LYZL4: variants seen among roughly 807,000 people sequenced by gnomAD.
The protein encoded by LYZL4 is lysozyme-like protein 4.
LYZL4 carries 13 observed loss-of-function variants against 17.6 expected under a neutral mutation model. The ratio of observed to expected loss-of-function variants is 0.74; its 90% CI spans 0.48 to 1.18. LYZL4 has a LOEUF of 1.18. LYZL4 is among the 50% of genes most tolerant of loss of function. LYZL4 has a pLI of 0.00. For synonymous variants in LYZL4, 64 were observed against 67.7 expected, an observed-to-expected ratio of 0.95 and a Z score of 0.27; for missense variants, 174 against 188.2, an observed-to-expected ratio of 0.92 and a Z score of 0.44.
At chr3:42,381,501 A>G in the LYZL4 span, among the ~76,000 whole-genome samples, 1 of 152,206 alleles carries the variant, frequency 6.6e-6, no homozygotes, top group Admixed American at 6.5e-5. Flanking sequence ...TAAAACTGAC[A>G]TATGATCCTG....
At chr3:42,404,252 T>C in intron 3 of LYZL4, 128 bp from the exon 4 acceptor site, 1 of 539,784 alleles carries the variant, frequency 1.9e-6, no homozygotes. Flanking sequence ...AATCTATCCT[T>C]AGATTTTTAT....
chr3:42,373,696 C>T, the LYZL4 span, among the ~76,000 whole-genome samples: 15 of 152,176 alleles, frequency 9.9e-5, no homozygotes, highest in South Asian at 1.9e-3. Context: ...AATTAAGAAG[C>T]CCTGTGCATC....
the LYZL4 span, among the ~76,000 whole-genome samples, chr3:42,381,028 C>A: frequency 6.6e-6 from 1 of 152,320 alleles, no homozygotes; most frequent in African/African-American, 2.4e-5. Context: ...TCAGTGGTCC[C>A]AGAAAAGTGA....
downstream of LYZL4, among the ~76,000 whole-genome samples, chr3:42,394,934 C>T (rs905409421): frequency 4.6e-5 from 7 of 152,188 alleles, no homozygotes; most frequent in Non-Finnish European, 1.0e-4. Flanking sequence ...TGTGCATTAT[C>T]GTTCTTGGAC....
Position 42,397,341 on chromosome 3 carries a change from A to G in LYZL4, c.372-7T>C. ...GTACCGGGACCAGGTGGGCCTGTGG[A>G]GAGAAGTGAACAGGAAGGGCTCCTC... is the stretch of plus-strand genomic sequence containing the variant. On this transcript the variant is annotated splice_region_variant and splice_polypyrimidine_tract_variant and intron_variant, in intron 4 of 4. Transcript: ENST00000287748. 1 of 1,565,228 alleles carries G rather than the reference A, an allele frequency of 6.4e-7. No homozygotes were observed. Among genetic ancestry groups the G allele is most frequent in the Non-Finnish European group, 8.7e-7 (1 of 1,153,618 alleles).
the LYZL4 span, among the ~76,000 whole-genome samples, chr3:42,369,495 C>G: frequency 5.3e-5 from 8 of 152,312 alleles, no homozygotes; most frequent in East Asian, 1.4e-3. Flanking sequence ...TTGGCCCTGG[C>G]CAAGAGAGGA....
the LYZL4 span, among the ~76,000 whole-genome samples, chr3:42,362,661 C>T: frequency 1.3e-5 from 2 of 152,150 alleles, no homozygotes; most frequent in Admixed American, 6.5e-5. Flanking sequence ...TCCACCCTCA[C>T]GACCTAATCA....
At chr3:42,364,284 T>C in the LYZL4 span, among the ~76,000 whole-genome samples, 2 of 152,162 alleles carry the variant, frequency 1.3e-5, no homozygotes, top group African/African-American at 4.8e-5. Context: ...ACAACCTGCA[T>C]TGCAATTATC....
At chr3:42,410,134 T>C (rs76539354) in intron 1 of LYZL4, among the ~76,000 whole-genome samples, 2,746 of 152,336 alleles carry the variant, frequency 0.018, 60 homozygotes, top group African/African-American at 0.055. Flanking sequence ...TGCTCATTTA[T>C]CTGTTCACTT....
the LYZL4 span, among the ~76,000 whole-genome samples, chr3:42,387,044 G>T: frequency 1.7e-4 from 26 of 152,048 alleles, no homozygotes; most frequent in Non-Finnish European, 2.9e-5. Flanking sequence ...CCACCTCAAG[G>T]CTTAATATTA....
the LYZL4 span, among the ~76,000 whole-genome samples, chr3:42,376,158 G>C: frequency 6.6e-6 from 1 of 152,184 alleles, no homozygotes. Flanking sequence ...CATAAAATCA[G>C]CTCATTAAGG....
chr3:42,385,999 G>A, the LYZL4 span, among the ~76,000 whole-genome samples: 4 of 152,148 alleles, frequency 2.6e-5, no homozygotes, highest in African/African-American at 9.7e-5. Context: ...GAAGCTCTAG[G>A]GGATAAACCA....
At chr3:42,406,046 C>T (rs1366142091) in intron 3 of LYZL4, among the ~76,000 whole-genome samples, 3 of 152,176 alleles carry the variant, frequency 2.0e-5, no homozygotes, top group Admixed American at 2.0e-4. Context: ...CCCTTAATCA[C>T]AGGTACTTGG....
downstream of LYZL4, among the ~76,000 whole-genome samples, chr3:42,395,484 T>C (rs533872945): frequency 6.6e-6 from 1 of 152,278 alleles, no homozygotes; most frequent in African/African-American, 2.4e-5. Flanking sequence ...AGTCCATGTC[T>C]GTAAGGGGAA....
intron 4 of LYZL4, among the ~76,000 whole-genome samples, chr3:42,397,984 C>A (rs1018772174): frequency 1.3e-5 from 2 of 152,146 alleles, no homozygotes; most frequent in Non-Finnish European, 2.9e-5. Context: ...GCCAGCTGTA[C>A]GCCATTAGAA....
chr3:42,372,847 A>G, the LYZL4 span, among the ~76,000 whole-genome samples: 7 of 152,202 alleles, frequency 4.6e-5, no homozygotes, highest in African/African-American at 1.7e-4. Flanking sequence ...CACAGCATGT[A>G]TTACAAGGGT....
chr3:42,375,693 T>C, the LYZL4 span, among the ~76,000 whole-genome samples: 2 of 152,162 alleles, frequency 1.3e-5, no homozygotes, highest in African/African-American at 2.4e-5. Context: ...AAATATGCTC[T>C]GTAATATGAA....
the LYZL4 span, among the ~76,000 whole-genome samples, chr3:42,390,311 G>C: frequency 6.6e-6 from 1 of 152,132 alleles, no homozygotes; most frequent in Non-Finnish European, 1.5e-5. Flanking sequence ...ATGAGCTATA[G>C]ATGTCAGCAG....
At chr3:42,373,075 G>A in the LYZL4 span, among the ~76,000 whole-genome samples, 1 of 152,132 alleles carries the variant, frequency 6.6e-6, no homozygotes, top group Non-Finnish European at 1.5e-5. Flanking sequence ...GCAGGGCATG[G>A]TGGCGAGTGC....
Sources: gnomAD v4.1 joint callset for allele counts (sites outside exome capture counted in the v4.1 genomes callset) on GRCh38, gnomAD v4.1.1 for gene constraint, MANE v1.5 for transcripts, NCBI Gene and HGNC (gene_info 2026-07-23, HGNC 2026-07-21) for gene names.